BRINP1: variants seen among roughly 807,000 people sequenced by gnomAD.
BRINP1 encodes the protein BMP/retinoic acid inducible neural specific 1.
A neutral mutation model predicts 72.9 loss-of-function variants in BRINP1; 17 were observed. The ratio of observed to expected loss-of-function variants is 0.23; its 90% CI spans 0.16 to 0.35. The LOEUF (loss-of-function observed/expected upper bound fraction) is 0.35, where lower values mean the gene tolerates loss of function less well. Ranked by LOEUF, BRINP1 falls within the 10% of genes least tolerant of loss-of-function variation. The pLI, the probability that BRINP1 is intolerant of heterozygous loss-of-function variation, is 1.00. For missense variants in BRINP1, 850 were observed against 1,001.6 expected, an observed-to-expected ratio of 0.85 and a Z score of 2.04; for synonymous variants, 418 against 378.5, an observed-to-expected ratio of 1.10 and a Z score of -1.21.
rs541493405 is a variant in BRINP1, at chr9:119,368,792, T to G, written c.-51+264A>C. On this transcript the variant is annotated intron_variant, in intron 1 of 7. Coordinates refer to ENST00000265922, the MANE Select transcript of BRINP1 (RefSeq NM_014618.3). The surrounding 1 kb of genome is among the most constrained non-coding windows in gnomAD (Gnocchi z 4.7). The stretch of plus-strand genomic sequence containing the variant: ...CAAACACACTAGCACCACATCAAGT[T>G]CCCACCATGGTGCACACGTCGGGAG... Among the ~76,000 whole-genome samples, 78 of 151,962 alleles carry G rather than the reference T, an allele frequency of 5.1e-4. No individual in the cohort carries two copies. Among genetic ancestry groups the G allele is most frequent in the Non-Finnish European group, 7.5e-4 (51 of 67,974 alleles).
chr9:119,327,458 A>C (rs1251852246), intron 1 of BRINP1, among the ~76,000 whole-genome samples: 1 of 152,208 alleles, frequency 6.6e-6, no homozygotes, highest in Non-Finnish European at 1.5e-5. Flanking sequence ...GTACAAATTG[A>C]GAGCTAGGAT....
At chr9:119,169,829 C>T (rs1025459204) in intron 7 of BRINP1, among the ~76,000 whole-genome samples, 1 of 152,174 alleles carries the variant, frequency 6.6e-6, no homozygotes, top group Non-Finnish European at 1.5e-5. Flanking sequence ...GACCCCTGAC[C>T]CCTGAGCAGC....
At chr9:119,263,462 G>T (rs184532015) in intron 2 of BRINP1, among the ~76,000 whole-genome samples, 5 of 151,876 alleles carry the variant, frequency 3.3e-5, no homozygotes, top group Admixed American at 3.3e-4. Flanking sequence ...TCAGCCTCAG[G>T]CTCCCCCAGG....
At chr9:119,353,291 C>T in intron 1 of BRINP1, among the ~76,000 whole-genome samples, 1 of 152,320 alleles carries the variant, frequency 6.6e-6, no homozygotes, top group South Asian at 2.1e-4. Context: ...TCCTTCTAAC[C>T]TTCCTCCACC....
intron 7 of BRINP1, among the ~76,000 whole-genome samples, chr9:119,169,978 TGTACATCACCATCATCAAAGACCAAAA>T (rs1426828850): frequency 6.6e-6 from 1 of 152,164 alleles, no homozygotes; most frequent in African/African-American, 2.4e-5. Flanking sequence ...AAAACCCACC[TGTACATCACCATCATCAAAGACCAAAA>T]GTAGATAAAA....
At chr9:119,286,351 G>A (rs1830760629) in intron 2 of BRINP1, among the ~76,000 whole-genome samples, 1 of 151,758 alleles carries the variant, frequency 6.6e-6, no homozygotes, top group Non-Finnish European at 1.5e-5. Context: ...TCCTCCCTCA[G>A]CCTCCCAAGT....
Position 119,219,646 on chromosome 9 carries a change from TGAGAGAGAGAGAGAGAGAGAGAGA to T in BRINP1, c.686-5515_686-5492del, listed in dbSNP as rs57623423. Among the ~76,000 whole-genome samples, 1,076 of 125,920 alleles carry T rather than the reference TGAGAGAGAGAGAGAGAGAGAGAGA, an allele frequency of 8.5e-3. 16 individuals are homozygous for T. The highest frequency in any genetic ancestry group is 0.028 in the African/African-American group (970 of 34,150). The allele number at this position is 125,920 out of a possible 152,430, so 82.6% of individuals were successfully genotyped here. ...TCTTGTTGTAGGTCTTACTGTTTAC[TGAGAGAGAGAGAGAGAGAGAGAGA>T]GAGAGAGAGAGAGAGAGAGAGAGAG... On this transcript the variant is annotated intron_variant, in intron 5 of 7. Transcript: ENST00000265922.
intron 5 of BRINP1, among the ~76,000 whole-genome samples, chr9:119,224,906 G>A (rs1194829795): frequency 6.6e-6 from 1 of 152,026 alleles, no homozygotes; most frequent in East Asian, 1.9e-4. Flanking sequence ...TGCACTGTAT[G>A]TATATAATCC....
At chr9:119,351,755 A>T (rs955226983) in intron 1 of BRINP1, among the ~76,000 whole-genome samples, 2 of 152,162 alleles carry the variant, frequency 1.3e-5, no homozygotes, top group Non-Finnish European at 2.9e-5. Context: ...AAAGTCAATG[A>T]GCAAAGTCAT....
At chr9:119,360,694 C>T (rs549436351) in intron 1 of BRINP1, among the ~76,000 whole-genome samples, 8 of 152,248 alleles carry the variant, frequency 5.3e-5, no homozygotes, top group Admixed American at 1.3e-4. Context: ...CGTGGCTAAA[C>T]GCGGCTGTTC....
At chr9:119,203,093 C>T (rs914652) in intron 7 of BRINP1, among the ~76,000 whole-genome samples, 38,220 of 151,862 alleles carry the variant, frequency 0.25, 5,246 homozygotes, top group African/African-American at 0.36. Context: ...TCAACCTTGA[C>T]GAGCAAACCC....
intron 7 of BRINP1, among the ~76,000 whole-genome samples, chr9:119,189,803 G>C (rs1829664165): frequency 6.6e-6 from 1 of 151,876 alleles, no homozygotes; most frequent in Non-Finnish European, 1.5e-5. Context: ...AACATGAACT[G>C]CACTTTAGAC....
chr9:119,361,009 A>T (rs1831623330), intron 1 of BRINP1, among the ~76,000 whole-genome samples: 1 of 152,082 alleles, frequency 6.6e-6, no homozygotes, highest in Non-Finnish European at 1.5e-5. Context: ...CCGGTATACA[A>T]CTCCGCACCC....
At chr9:119,337,703 C>T (rs550611494) in intron 1 of BRINP1, among the ~76,000 whole-genome samples, 2 of 152,346 alleles carry the variant, frequency 1.3e-5, no homozygotes, top group Admixed American at 6.5e-5. Context: ...AAACTTACTG[C>T]TGTCTTTACA....
At chr9:119,193,758 C>G (rs1414877005) in intron 7 of BRINP1, among the ~76,000 whole-genome samples, 1 of 152,188 alleles carries the variant, frequency 6.6e-6, no homozygotes, top group Non-Finnish European at 1.5e-5. Context: ...AAAACCTACT[C>G]TATGTATCCA....
chr9:119,286,790 C>A (rs902111377), intron 2 of BRINP1, among the ~76,000 whole-genome samples: 1 of 152,176 alleles, frequency 6.6e-6, no homozygotes, highest in African/African-American at 2.4e-5. Flanking sequence ...GGGGAACTCA[C>A]CAGACAGAGT....
intron 7 of BRINP1, among the ~76,000 whole-genome samples, chr9:119,174,274 A>T (rs1281440372): frequency 1.3e-5 from 2 of 151,212 alleles, no homozygotes; most frequent in East Asian, 3.9e-4. Context: ...TTACAAGAAA[A>T]AAACAAATAA....
intron 2 of BRINP1, among the ~76,000 whole-genome samples, chr9:119,295,160 A>AT (rs138594039): frequency 6.6e-6 from 1 of 151,462 alleles, no homozygotes; most frequent in Admixed American, 6.6e-5. Context: ...ATTATTTTTA[A>AT]TTTTTTTTTA....
intron 1 of BRINP1, among the ~76,000 whole-genome samples, chr9:119,357,753 G>T (rs1831583777): frequency 2.0e-5 from 3 of 152,134 alleles, no homozygotes; most frequent in African/African-American, 7.2e-5. Flanking sequence ...TTCTCATTTA[G>T]GCATGTACAG....
Sources: gnomAD v4.1 joint callset for allele counts (sites outside exome capture counted in the v4.1 genomes callset) on GRCh38, gnomAD v4.1.1 for gene constraint, Gnocchi (gnomAD v3.1) non-coding constraint, MANE v1.5 for transcripts, NCBI Gene and HGNC (gene_info 2026-07-23, HGNC 2026-07-21) for gene names.